Variants in SARDH observed in about 807,000 individuals in gnomAD.
The protein encoded by SARDH is sarcosine dehydrogenase, also known as sarcosine dehydrogenase, mitochondrial.
In SARDH, 95 loss-of-function variants were observed where a neutral mutation model predicts 109.1. The observed-to-expected ratio is 0.87, with a 90% CI of 0.74 to 1.03. The LOEUF (loss-of-function observed/expected upper bound fraction) is 1.03, where lower values mean the gene tolerates loss of function less well. SARDH is among the 50% of genes least tolerant of loss of function. The pLI is 0.00. For synonymous variants in SARDH, 572 were observed against 534.8 expected (o/e 1.07, Z -0.96); for missense variants, 1,267 against 1,287.8 (o/e 0.98, Z 0.25).
chr9:133,691,702 G>A (rs1406373333), intron 15 of SARDH, among the ~76,000 whole-genome samples: 1 of 152,162 alleles, frequency 6.6e-6, no homozygotes, highest in African/African-American at 2.4e-5. Context: ...TCTCGGCTCC[G>A]TGGTGATCTG....
At chr9:133,726,529 C>G (rs963147560) in intron 6 of SARDH, among the ~76,000 whole-genome samples, 9 of 152,048 alleles carry the variant, frequency 5.9e-5, no homozygotes, top group Non-Finnish European at 1.0e-4. Context: ...GATGTTTGTC[C>G]CAGCAGGATC....
chr9:133,711,355 C>G (rs1831911917), intron 10 of SARDH, among the ~76,000 whole-genome samples: 1 of 152,214 alleles, frequency 6.6e-6, no homozygotes, highest in Admixed American at 6.5e-5. Flanking sequence ...CTACCTGGCT[C>G]TGGTTCAAAA....
chr9:133,694,519 T>G (rs1831216433), intron 14 of SARDH, 148 bp from the exon 15 acceptor site: 1 of 711,530 alleles, frequency 1.4e-6, no homozygotes, highest in Non-Finnish European at 2.4e-6. Flanking sequence ...GGAGGTGACC[T>G]GGAGAGCTCC....
chr9:133,665,023 C>T (rs982752481), intron 20 of SARDH, among the ~76,000 whole-genome samples: 4 of 152,204 alleles, frequency 2.6e-5, no homozygotes, highest in Non-Finnish European at 4.4e-5. Flanking sequence ...ACCTCCGTTA[C>T]CCCACTTGGG....
At chr9:133,695,693 C>T (rs1831259888) in intron 14 of SARDH, among the ~76,000 whole-genome samples, 1 of 120,670 alleles carries the variant, frequency 8.3e-6, no homozygotes, top group Admixed American at 1.2e-4. Flanking sequence ...GTTCTGGCAG[C>T]CCAGAACACT....
chr9:133,704,560 C>T lies in SARDH; in HGVS notation c.1554+388G>A, dbSNP rs1041792994. ...CCTCCTACGGACATAAACCAACAGT[C>T]GGAGTGGCCAAAAATAGATGCACAG... On this transcript the variant is annotated intron_variant, in intron 12 of 20. Coordinates refer to ENST00000439388, the MANE Select transcript of SARDH (RefSeq NM_001134707.2). The surrounding 1 kb of genome is among the most constrained non-coding windows in gnomAD (Gnocchi z 4.5). 6.6e-5 allele frequency among the ~76,000 whole-genome samples: 10 copies of T among 152,142 alleles called. No individual in the cohort carries two copies. Among genetic ancestry groups the T allele is most frequent in the Admixed American group, 3.9e-4 (6 of 15,288 alleles).
At chr9:133,703,189 C>T in intron 12 of SARDH, 160 bp from the exon 13 acceptor site, 2 of 651,368 alleles carry the variant, frequency 3.1e-6, no homozygotes, top group Admixed American at 2.5e-5. Context: ...GGGCAGGGGG[C>T]CCCCATGAGG....
chr9:133,735,673 A>T (rs536720422), intron 1 of SARDH, among the ~76,000 whole-genome samples: 1 of 152,192 alleles, frequency 6.6e-6, no homozygotes, highest in Non-Finnish European at 1.5e-5. Flanking sequence ...GCATGTGCAC[A>T]TTGATTTTAC....
chr9:133,698,022 G>GAA lies in SARDH; in HGVS notation c.1669-1663_1669-1662dup, dbSNP rs1400522371. ...TAAGGAATCCACTAAAAAAAAAAAA[G>GAA]AAAAAAAAGAAAAAAAACTGTTAGA... On this transcript the variant is annotated intron_variant, in intron 13 of 20. Transcript: ENST00000439388. Among the ~76,000 whole-genome samples, 90 of 129,782 alleles carry GAA rather than the reference G, an allele frequency of 6.9e-4. 1 individual carries two copies. The highest frequency in any genetic ancestry group is 2.5e-3 in the African/African-American group (86 of 34,526). The allele number at this position is 129,782 out of a possible 152,430, so 85.1% of individuals were successfully genotyped here. A position where few individuals can be genotyped will look rare whatever the true frequency, so the allele number is the denominator to read the frequency against.
chr9:133,713,961 G>A (rs892916265), intron 8 of SARDH, among the ~76,000 whole-genome samples: 2 of 152,230 alleles, frequency 1.3e-5, no homozygotes, highest in Admixed American at 6.5e-5. Context: ...CGGAGGGAGG[G>A]AGCAAATACT....
Position 133,709,699 on chromosome 9 carries a change from T to C in SARDH, c.1329-1271A>G, listed in dbSNP as rs927374622. Among the ~76,000 whole-genome samples, 1 of 152,176 alleles carries C rather than the reference T, an allele frequency of 6.6e-6. No individual in the cohort carries two copies. Among genetic ancestry groups the C allele is most frequent in the African/African-American group, 2.4e-5 (1 of 41,430 alleles). The stretch of plus-strand genomic sequence containing the variant: ...GCTGCTGTCGCTTATGGCACCCAGC[T>C]CCAGTGCAGGCTCAGAGCTGAGTGC... On this transcript the variant is annotated intron_variant, in intron 10 of 20. Coordinates refer to ENST00000439388, the MANE Select transcript of SARDH (RefSeq NM_001134707.2). The surrounding 1 kb of genome is among the most constrained non-coding windows in gnomAD (Gnocchi z 4.2).
chr9:133,698,027 A>AAAAG (rs1425281936), intron 13 of SARDH, among the ~76,000 whole-genome samples: 3 of 151,288 alleles, frequency 2.0e-5, no homozygotes, highest in East Asian at 3.9e-4. Flanking sequence ...AAAAAGAAAA[A>AAAAG]AAAGAAAAAA....
chr9:133,704,824 T>C lies in SARDH; in HGVS notation c.1554+124A>G. 1 of 782,528 alleles carries C rather than the reference T, an allele frequency of 1.3e-6. No individual in the cohort carries two copies. Among genetic ancestry groups the C allele is most frequent in the Admixed American group, 2.2e-5 (1 of 46,026 alleles). The allele number at this position is 782,528 out of a possible 1,614,324, so 48.5% of individuals were successfully genotyped here. A position where few individuals can be genotyped will look rare whatever the true frequency, so the allele number is the denominator to read the frequency against. ...GGCTTCCCGTGTGCAGAATAACTGA[T>C]CACGACAGTGGAACCACCTGGGGAG... On this transcript the variant is annotated intron_variant, in intron 12 of 20. Coordinates refer to ENST00000439388, the MANE Select transcript of SARDH (RefSeq NM_001134707.2). This position sits in a 1 kb window ranked among gnomAD's most constrained non-coding sequence, Gnocchi z 4.5.
intron 16 of SARDH, 56 bp from the exon 17 acceptor site, chr9:133,685,342 C>A: frequency 2.0e-6 from 3 of 1,481,562 alleles, no homozygotes; most frequent in South Asian, 1.2e-5. Flanking sequence ...GGGGCCTGGG[C>A]AGGAAAGGCC....
chr9:133,737,432 T>C (rs1832922366), intron 1 of SARDH, among the ~76,000 whole-genome samples: 2 of 152,148 alleles, frequency 1.3e-5, no homozygotes, highest in South Asian at 2.1e-4. Flanking sequence ...TGTCTGTACA[T>C]ACCTTCAGTC....
intron 17 of SARDH, among the ~76,000 whole-genome samples, chr9:133,682,068 G>A (rs960163886): frequency 2.6e-5 from 4 of 152,284 alleles, no homozygotes; most frequent in South Asian, 2.1e-4. Flanking sequence ...ACCATGAACC[G>A]CACATACCTC....
At position 133,663,616 on chromosome 9, in the gene SARDH, G is replaced by T; in HGVS notation, c.*273C>A. On this transcript the variant is annotated 3_prime_UTR_variant, in exon 21 of 21. Coordinates refer to ENST00000439388, the MANE Select transcript of SARDH (RefSeq NM_001134707.2). ...AGCACCTTCTAGAAGCTTGGAAAGGGCTACAAGCCATGGTCCCTGAGCCCA... is the reference window on the plus strand; with the variant it reads ...AGCACCTTCTAGAAGCTTGGAAAGGTCTACAAGCCATGGTCCCTGAGCCCA... 1 of 472,284 alleles carries T rather than the reference G, an allele frequency of 2.1e-6. No homozygotes were observed. Among genetic ancestry groups the T allele is most frequent in the South Asian group, 3.4e-5 (1 of 29,208 alleles). 29.3% of individuals were successfully genotyped at this position (472,284 alleles called of 1,614,324 possible). A position where few individuals can be genotyped will look rare whatever the true frequency, so the allele number is the denominator to read the frequency against.
intron 6 of SARDH, among the ~76,000 whole-genome samples, 155 bp downstream of exon 6, chr9:133,729,610 C>G (rs1832603749): frequency 6.6e-6 from 1 of 152,164 alleles, no homozygotes; most frequent in Admixed American, 6.5e-5. Flanking sequence ...CGGAAATACC[C>G]CATGTTACAA....
Position 133,686,672 on chromosome 9 carries a change from C to T in SARDH, c.2070-1386G>A, listed in dbSNP as rs1029675598. On this transcript the variant is annotated intron_variant, in intron 16 of 20. Transcript: ENST00000439388. This position sits in a 1 kb window ranked among gnomAD's most constrained non-coding sequence, Gnocchi z 4.0. ...TGAGGCCCCCATTGCTAGGAGACGCCCCCCCACTTCTGTCCCTCTGGGATC... is the reference window on the plus strand; with the variant it reads ...TGAGGCCCCCATTGCTAGGAGACGCTCCCCCACTTCTGTCCCTCTGGGATC... Among the ~76,000 whole-genome samples the T allele has an allele frequency of 6.6e-6, 1 of 152,014 alleles. No individual in the cohort carries two copies. The highest frequency in any genetic ancestry group is 1.5e-5 in the Non-Finnish European group (1 of 67,946).
Sources: allele counts gnomAD v4.1 joint callset (sites outside exome capture counted in the v4.1 genomes callset), GRCh38; gene constraint gnomAD v4.1.1; non-coding constraint Gnocchi (gnomAD v3.1); transcripts MANE v1.5; gene names NCBI Gene and HGNC (gene_info 2026-07-23, HGNC 2026-07-21).